The following AKAP6 variants were observed in gnomAD, a reference collection of about 807,000 sequenced individuals.
AKAP6 encodes A-kinase anchor protein 6.
In AKAP6, 58 loss-of-function variants were observed where a neutral mutation model predicts 188.5. That is an observed-to-expected ratio of 0.31 (90% CI 0.25 to 0.38). AKAP6 has a LOEUF of 0.38. Ranked by LOEUF, AKAP6 falls within the 10% of genes least tolerant of loss-of-function variation. The pLI is 1.00. For missense variants in AKAP6, 2,710 were observed against 2,740.0 expected, an observed-to-expected ratio of 0.99 and a Z score of 0.24; for synonymous variants, 989 against 998.6, an observed-to-expected ratio of 0.99 and a Z score of 0.18.
chr14:32,610,437 G>C (rs1886305760), intron 7 of AKAP6, among the ~76,000 whole-genome samples: 1 of 152,114 alleles, frequency 6.6e-6, no homozygotes, highest in African/African-American at 2.4e-5. Context: ...CCTTAGAATA[G>C]ATAAATATTT....
chr14:32,337,826 C>A (rs1886761512), intron 1 of AKAP6, among the ~76,000 whole-genome samples: 1 of 149,650 alleles, frequency 6.7e-6, no homozygotes, highest in Non-Finnish European at 1.5e-5. Flanking sequence ...AGTTGAAAGG[C>A]AGAGGATGGA....
chr14:32,523,471 T>C (rs1594707383), intron 2 of AKAP6, among the ~76,000 whole-genome samples: 1 of 140,326 alleles, frequency 7.1e-6, no homozygotes, highest in South Asian at 2.2e-4. Flanking sequence ...TCTCTCTCTC[T>C]CTTTTTTTTT....
At chr14:32,748,187 G>C (rs1396891314) in intron 11 of AKAP6, among the ~76,000 whole-genome samples, 3 of 152,172 alleles carry the variant, frequency 2.0e-5, no homozygotes, top group African/African-American at 7.2e-5. Flanking sequence ...GTATCTCAGT[G>C]CTCTCCACTC....
intron 1 of AKAP6, among the ~76,000 whole-genome samples, chr14:32,390,359 A>G (rs1410489515): frequency 6.6e-6 from 1 of 151,828 alleles, no homozygotes; most frequent in East Asian, 1.9e-4. Flanking sequence ...TAAATCAGGG[A>G]TTTCTTTTTG....
At chr14:32,634,771 T>C (rs914030804) in intron 7 of AKAP6, among the ~76,000 whole-genome samples, 5 of 152,064 alleles carry the variant, frequency 3.3e-5, no homozygotes, top group African/African-American at 9.7e-5. Flanking sequence ...ATCCAAGTCT[T>C]TTCCTAAATA....
At chr14:32,376,667 C>T (rs1456738205) in intron 1 of AKAP6, among the ~76,000 whole-genome samples, 1 of 152,152 alleles carries the variant, frequency 6.6e-6, no homozygotes, top group Non-Finnish European at 1.5e-5. Flanking sequence ...ACCAGGCTTT[C>T]ATCTGAGAAT....
rs369137782 is a variant in AKAP6, at chr14:32,410,541, A to G, written c.-34-22919A>G. Among the ~76,000 whole-genome samples the G allele has an allele frequency of 5.9e-5, 9 of 152,296 alleles. No individual in the cohort carries two copies. The East Asian group carries it at 1.7e-3, about 29-fold the overall frequency. ...AGGCACATGTTCTCAGGTCCTCCGG[A>G]GGGCTGTGTCACAGGCCATGGTCAC... On this transcript the variant is annotated intron_variant, in intron 1 of 13. Transcript: ENST00000280979.
intron 7 of AKAP6, among the ~76,000 whole-genome samples, chr14:32,647,515 A>G (rs1234867730): frequency 6.6e-6 from 1 of 152,028 alleles, no homozygotes; most frequent in Non-Finnish European, 1.5e-5. Context: ...CTTATCTTCT[A>G]ATAGGAAGAC....
Position 32,535,844 on chromosome 14 carries a change from G to A in AKAP6, c.576+39G>A, listed in dbSNP as rs1566561192. 1.9e-6 allele frequency: 3 copies of A among 1,579,320 alleles called. No homozygotes were observed. In the East Asian group the frequency reaches 6.8e-5, roughly 36 times the overall value. On this transcript the variant is annotated intron_variant, in intron 3 of 13. Transcript: ENST00000280979. ...TTGAAGTTAAGCAATGCATTTCCAG[G>A]TATGACCAATTGAGAATGTTTTCAG...
intron 4 of AKAP6, among the ~76,000 whole-genome samples, chr14:32,555,571 T>G (rs1287361407): frequency 6.6e-6 from 1 of 152,286 alleles, no homozygotes; most frequent in African/African-American, 2.4e-5. Context: ...AACCTGAAAC[T>G]CTATACCCAT....
rs115388626 is a variant in AKAP6 at position 32,404,314 on chromosome 14, G to C, written c.-34-29146G>C. On this transcript the variant is annotated intron_variant, in intron 1 of 13. Coordinates refer to ENST00000280979, the MANE Select transcript of AKAP6 (RefSeq NM_004274.5). ...TGATGAAAGGTTTTGGTTAATCCTA[G>C]AATTCTTAATCCCCACCTTTTGGAG... is the stretch of plus-strand genomic sequence containing the variant. 2.5e-3 allele frequency among the ~76,000 whole-genome samples: 379 copies of C among 152,142 alleles called. 4 individuals carry two copies. Among genetic ancestry groups the C allele is most frequent in the African/African-American group, 8.7e-3 (360 of 41,516 alleles).
intron 7 of AKAP6, among the ~76,000 whole-genome samples, chr14:32,629,987 AT>A (rs1263017211): frequency 6.6e-6 from 1 of 152,144 alleles, no homozygotes; most frequent in African/African-American, 2.4e-5. Context: ...GAATGACCTC[AT>A]TATGAGAGGA....
chr14:32,579,026 G>T (rs1035987143), intron 5 of AKAP6, among the ~76,000 whole-genome samples: 1 of 152,132 alleles, frequency 6.6e-6, no homozygotes, highest in Non-Finnish European at 1.5e-5. Context: ...CTAACTGCAT[G>T]TGTCTATTGT....
chr14:32,535,655 G>A lies in AKAP6; in HGVS notation c.426G>A (p.Val142=), dbSNP rs1882638688. The A allele has an allele frequency of 6.2e-7, 1 of 1,614,224 alleles. No homozygotes were observed. The highest frequency in any genetic ancestry group is 1.3e-5 in the African/African-American group (1 of 75,070). ...KLLSYSVNVI[V]DIHAVQLLWH... The stretch of plus-strand genomic sequence containing the variant: ...TGTCTTACTCTGTCAACGTGATAGT[G>A]GACATCCACGCAGTGCAGCTCCTCT... The change falls in exon 3 of 14, where the codon GTG becomes GTA. Residue 142 remains valine (V), a synonymous_variant. Transcript: ENST00000280979.
chr14:32,727,613 G>A (rs1390371940), intron 9 of AKAP6, among the ~76,000 whole-genome samples: 2 of 152,190 alleles, frequency 1.3e-5, no homozygotes, highest in Admixed American at 6.5e-5. Flanking sequence ...AGCTAGAAGA[G>A]GGGGAAAACT....
In AKAP6 at chr14:32,834,858, CTG is replaced by C. The variant is rs1375646165; in HGVS notation, c.*5056_*5057del. On this transcript the variant is annotated 3_prime_UTR_variant, in exon 14 of 14. Coordinates refer to ENST00000280979, the MANE Select transcript of AKAP6 (RefSeq NM_004274.5). Reference sequence around the variant, plus strand: ...TCCATCTAAGGCAAGGGTCAGCAAACTGTGGCACGTGGGCCAAATTCAGCTCG... The same window carrying C: ...TCCATCTAAGGCAAGGGTCAGCAAACTGGCACGTGGGCCAAATTCAGCTCG... 19 of 152,368 alleles carry C rather than the reference CTG, an allele frequency of 1.2e-4. No homozygotes were observed. Among genetic ancestry groups the C allele is most frequent in the African/African-American group, 2.2e-4 (9 of 41,584 alleles). 9.4% of individuals were successfully genotyped at this position (152,368 alleles called of 1,614,324 possible).
chr14:32,776,409 T>G (rs141448572), intron 12 of AKAP6, among the ~76,000 whole-genome samples: 1 of 152,194 alleles, frequency 6.6e-6, no homozygotes, highest in Non-Finnish European at 1.5e-5. Flanking sequence ...CCATGTAAGA[T>G]GTGCCTTTTG....
At chr14:32,583,432 G>A (rs904966593) in intron 5 of AKAP6, among the ~76,000 whole-genome samples, 1 of 152,194 alleles carries the variant, frequency 6.6e-6, no homozygotes, top group African/African-American at 2.4e-5. Flanking sequence ...GCTGCTCGGG[G>A]GTCAGGGGTC....
intron 1 of AKAP6, among the ~76,000 whole-genome samples, chr14:32,356,745 A>G (rs1566461519): frequency 6.6e-6 from 1 of 151,912 alleles, no homozygotes; most frequent in African/African-American, 2.4e-5. Context: ...TACTTGCTTT[A>G]ACCATTTAAA....
Sources: gnomAD v4.1 joint callset for allele counts (sites outside exome capture counted in the v4.1 genomes callset) on GRCh38, gnomAD v4.1.1 for gene constraint, MANE v1.5 for transcripts, NCBI Gene and HGNC (gene_info 2026-07-23, HGNC 2026-07-21) for gene names.